TM6SF2: variants seen among roughly 807,000 people sequenced by gnomAD.
TM6SF2 encodes the protein transmembrane 6 superfamily member 2.
Under a neutral mutation model 41.0 loss-of-function variants are expected in TM6SF2, and 29 were observed. The observed-to-expected ratio is 0.71, with a 90% confidence interval of 0.53 to 0.96. TM6SF2 has a LOEUF of 0.96. Ranked by LOEUF, TM6SF2 falls within the 50% of genes least tolerant of loss-of-function variation. The pLI, the probability that TM6SF2 is intolerant of heterozygous loss-of-function variation, is 0.00. For synonymous variants in TM6SF2, 200 were observed against 209.1 expected (o/e 0.96, Z 0.37); for missense variants, 475 against 499.0 (o/e 0.95, Z 0.46).
chr19:19,265,085 A>G (rs1443741940), intron 9 of TM6SF2, among the ~76,000 whole-genome samples: 7 of 127,690 alleles, frequency 5.5e-5, no homozygotes, highest in Non-Finnish European at 1.6e-5. Context: ...TCTGTTGCCC[A>G]TGCTGGAGTG....
intron 1 of TM6SF2, 63 bp downstream of exon 1, chr19:19,273,058 T>TCCAGGCCCCCCCCCCCCC: frequency 2.1e-6 from 1 of 470,238 alleles, no homozygotes; most frequent in Non-Finnish European, 3.8e-6. Flanking sequence ...CCACCTCCAG[T>TCCAGGCCCCCCCCCCCCC]CCTCCCCGCC....
intron 1 of TM6SF2, among the ~76,000 whole-genome samples, chr19:19,271,338 G>A (rs2061023421): frequency 6.6e-6 from 1 of 152,144 alleles, no homozygotes; most frequent in Admixed American, 6.5e-5. Flanking sequence ...GCTTCCAGAA[G>A]TCTTTTCCAC....
chr19:19,266,611 T>G lies in TM6SF2; in HGVS notation c.805-2A>C, dbSNP rs903171440. 1.2e-6 allele frequency: 2 copies of G among 1,611,644 alleles called. No individual in the cohort carries two copies. Among genetic ancestry groups the G allele is most frequent in the Non-Finnish European group, 1.7e-6 (2 of 1,178,710 alleles). On this transcript the variant is annotated splice_acceptor_variant, in intron 8 of 9. Coordinates refer to ENST00000389363, the MANE Select transcript of TM6SF2 (RefSeq NM_001001524.3). LOFTEE classifies it high-confidence loss of function. ...GACATAAAACATGTACATCAGCATC[T>G]GCAGGGGCGGGAGGAGAGGGGCACC...
At position 19,264,604 on chromosome 19, in the gene TM6SF2, C is replaced by T; in HGVS notation, c.*60G>A. 1 of 1,344,722 alleles carries T rather than the reference C, an allele frequency of 7.4e-7. No homozygotes were observed. The highest frequency in any genetic ancestry group is 2.1e-5 in the South Asian group (1 of 48,604). 83.3% of individuals were successfully genotyped at this position (1,344,722 alleles called of 1,614,324 possible). On this transcript the variant is annotated 3_prime_UTR_variant, in exon 10 of 10. Transcript: ENST00000389363. The stretch of plus-strand genomic sequence containing the variant: ...TCTCTAAAACACCCAACCCCCGCTT[C>T]CCCAGGTAGGGCTGACTGGGCACGT...
At chr19:19,267,963 G>A (rs774644327) in intron 7 of TM6SF2, 23 bp downstream of exon 7, 4 of 1,590,874 alleles carry the variant, frequency 2.5e-6, no homozygotes, top group Non-Finnish European at 3.4e-6. Flanking sequence ...AGGGGAGGGG[G>A]AGACCAACCA....
At chr19:19,268,940 C>T (rs564109716) in intron 5 of TM6SF2, among the ~76,000 whole-genome samples, 186 bp from the exon 6 acceptor site, 1 of 152,284 alleles carries the variant, frequency 6.6e-6, no homozygotes, top group Admixed American at 6.5e-5. Context: ...TCCTGAGTAG[C>T]TGGGATTATA....
At position 19,268,647 on chromosome 19, in the gene TM6SF2, G is replaced by A. The variant is rs771340141; in HGVS notation, c.592C>T (p.Arg198Cys). The part of the protein sequence containing the change: ...KVFSQPRALT[R>C]CTANMVQEEQ... ...GCACTCACCATGTTGGCGGTGCAGCGGGTTAGCGCCCGGGGCTGGCTGAAG... is the reference window on the plus strand; with the variant it reads ...GCACTCACCATGTTGGCGGTGCAGCAGGTTAGCGCCCGGGGCTGGCTGAAG... The change falls in exon 6 of 10, where the codon CGC (arginine) becomes TGC (cysteine). Residue 198 changes from arginine (R) to cysteine (C), a missense_variant. Physicochemically the swap from Arg to Cys is radical, Grantham distance 180 (BLOSUM62 -3). This residue lies in a region of TM6SF2 where 47 missense variants were observed against 80.3 expected (regional missense o/e 0.59). Transcript: ENST00000389363. 9 of 1,586,826 alleles carry A rather than the reference G, an allele frequency of 5.7e-6. No homozygotes were observed. The highest frequency in any genetic ancestry group is 3.9e-5 in the Admixed American group (2 of 51,768).
rs1413304922 is a variant in TM6SF2 at position 19,271,039 on chromosome 19, TA to T, written c.181del (p.Tyr61MetfsTer90). On this transcript the variant is annotated frameshift_variant, in exon 2 of 10. Transcript: ENST00000389363. LOFTEE classifies it high-confidence loss of function. ...TGACTCACCAGCATAGAGTGGGTCA[TA>T]GGAGACCTCGCCATGGGACAAGCTG... ...VYSLSHGEVSYDPLYAVFAVF... is the reference protein window; with the variant it reads ...VYSLSHGEVSXDPLYAVFAVF... 39 of 1,614,078 alleles carry T rather than the reference TA, an allele frequency of 2.4e-5. No homozygotes were observed. Among genetic ancestry groups the T allele is most frequent in the Non-Finnish European group, 3.3e-5 (39 of 1,179,960 alleles).
intron 9 of TM6SF2, 53 bp from the exon 10 acceptor site, chr19:19,264,926 C>T: frequency 7.3e-7 from 1 of 1,361,676 alleles, no homozygotes; most frequent in Non-Finnish European, 9.7e-7. Flanking sequence ...GAACTGAAAT[C>T]CCAGCATCAC....
At chr19:19,269,432 G>A (rs2061014911) in intron 5 of TM6SF2, among the ~76,000 whole-genome samples, 1 of 152,166 alleles carries the variant, frequency 6.6e-6, no homozygotes, top group Non-Finnish European at 1.5e-5. Context: ...CCTGTGTCAA[G>A]ACCATTCTGG....
chr19:19,271,125 G>A lies in TM6SF2; in HGVS notation c.96C>T (p.His32=). The A allele has an allele frequency of 1.2e-6, 2 of 1,613,792 alleles. No homozygotes were observed. The highest frequency in any genetic ancestry group is 1.6e-4 in the Middle Eastern group (1 of 6,062). Residue 32 remains histidine (H), a splice_region_variant and synonymous_variant, in exon 2 of 10, where the codon CAC becomes CAT. Coordinates refer to ENST00000389363, the MANE Select transcript of TM6SF2 (RefSeq NM_001001524.3). ...CGCTCATCAATGCCACCCACAGGGG[G>A]CTGTGGAGAGGGAAGCCAAGTCAGG... ...YALNHVSALS[H]PLWVALMSAL...
At chr19:19,273,075 C>CCCCCCCCCCCCCCCCCCAA in intron 1 of TM6SF2, 46 bp downstream of exon 1, 1 of 610,176 alleles carries the variant, frequency 1.6e-6, no homozygotes, top group Non-Finnish European at 2.7e-6. Context: ...CGCCCCCGCC[C>CCCCCCCCCCCCCCCCCCAA]GCCCCCACTG....
intron 2 of TM6SF2, 84 bp downstream of exon 2, chr19:19,270,938 G>A: frequency 2.7e-6 from 3 of 1,121,200 alleles, no homozygotes; most frequent in Non-Finnish European, 4.1e-6. Flanking sequence ...GTCTGATGGA[G>A]GAGGCCCCTT....
intron 1 of TM6SF2, 60 bp downstream of exon 1, chr19:19,273,061 T>TTCCCCCCC: frequency 6.5e-6 from 2 of 305,470 alleles, no homozygotes; most frequent in Non-Finnish European, 6.1e-6. Context: ...CCTCCAGTCC[T>TTCCCCCCC]CCCCGCCCCC....
intron 4 of TM6SF2, 134 bp from the exon 5 acceptor site, chr19:19,269,903 A>G (rs2146578765): frequency 1.3e-6 from 2 of 1,549,068 alleles, no homozygotes; most frequent in South Asian, 1.2e-5. Context: ...AAGGGACAAC[A>G]GGGAGTTGAA....
rs200494594 is a variant in TM6SF2, at chr19:19,266,477, T to C, written c.924+13A>G. ...TCCCACATGCCTGCTCACCCACCCA[T>C]CCGCCACCTCACCTGGCCGATGCCT... On this transcript the variant is annotated intron_variant, in intron 9 of 9. Coordinates refer to ENST00000389363, the MANE Select transcript of TM6SF2 (RefSeq NM_001001524.3). The C allele has an allele frequency of 3.9e-4, 637 of 1,613,212 alleles. 4 individuals carry two copies. The highest frequency in any genetic ancestry group is 1.3e-4 in the Admixed American group (8 of 59,968).
intron 5 of TM6SF2, 101 bp downstream of exon 5, chr19:19,269,586 A>C: frequency 7.1e-7 from 1 of 1,413,642 alleles, no homozygotes; most frequent in Non-Finnish European, 9.8e-7. Flanking sequence ...GGGCCTCTGC[A>C]GACATCAGGG....
In TM6SF2 at chr19:19,266,622, G is replaced by C; in HGVS notation, c.805-13C>G. The C allele has an allele frequency of 6.2e-7, 1 of 1,607,230 alleles. No individual in the cohort carries two copies. Among genetic ancestry groups the C allele is most frequent in the Non-Finnish European group, 8.5e-7 (1 of 1,176,622 alleles). ...TGTACATCAGCATCTGCAGGGGCGG[G>C]AGGAGAGGGGCACCAGCCTGTGAGA... On this transcript the variant is annotated splice_polypyrimidine_tract_variant and intron_variant, in intron 8 of 9. Transcript: ENST00000389363.
intron 2 of TM6SF2, 73 bp from the exon 3 acceptor site, chr19:19,270,515 C>T (rs2061019959): frequency 4.6e-6 from 7 of 1,513,908 alleles, no homozygotes; most frequent in East Asian, 4.9e-5. Flanking sequence ...TTAGTGTGGG[C>T]GGGGCTTGAA....
Sources: allele counts gnomAD v4.1 joint callset (sites outside exome capture counted in the v4.1 genomes callset), GRCh38; gene constraint gnomAD v4.1.1; regional missense constraint gnomAD v4.1.1; transcripts MANE v1.5; gene names NCBI Gene and HGNC (gene_info 2026-07-23, HGNC 2026-07-21).